PACC1: variants seen among roughly 807,000 people sequenced by gnomAD.
PACC1 encodes proton activated chloride channel 1.
Under a neutral mutation model 39.7 loss-of-function variants are expected in PACC1, and 34 were observed. The observed-to-expected ratio is 0.86, with a 90% CI of 0.65 to 1.14. PACC1 has a LOEUF of 1.14. Ranked by LOEUF, PACC1 falls within the 50% of genes most tolerant of loss-of-function variation. The probability of loss-of-function intolerance (pLI) is 0.00; values close to 1 mark genes in which losing one functional copy is unlikely to be tolerated. For missense variants in PACC1, 379 were observed against 436.4 expected (o/e 0.87, Z 1.17); for synonymous variants, 127 against 160.6 (o/e 0.79, Z 1.58).
chr1:212,406,624 G>GA (rs1376863537), intron 2 of PACC1, among the ~76,000 whole-genome samples: 1 of 152,200 alleles, frequency 6.6e-6, no homozygotes, highest in Non-Finnish European at 1.5e-5. Flanking sequence ...CCTGAGATCT[G>GA]AATCTTCTGT....
chr1:212,381,537 A>T (rs747780080), intron 4 of PACC1, among the ~76,000 whole-genome samples: 3 of 152,128 alleles, frequency 2.0e-5, no homozygotes, highest in Non-Finnish European at 4.4e-5. Flanking sequence ...CCCCTGCTGG[A>T]GCCTCATCTC....
intron 6 of PACC1, among the ~76,000 whole-genome samples, chr1:212,376,425 T>G (rs928914189): frequency 6.6e-6 from 1 of 152,206 alleles, no homozygotes; most frequent in Non-Finnish European, 1.5e-5. Flanking sequence ...AATGTACAGG[T>G]TCACTAGAGT....
intron 2 of PACC1, among the ~76,000 whole-genome samples, chr1:212,406,215 A>G (rs1661910734): frequency 2.0e-5 from 3 of 149,306 alleles, no homozygotes; most frequent in Non-Finnish European, 4.4e-5. Flanking sequence ...TTTTATTATT[A>G]TTATTAGAAG....
chr1:212,385,530 G>T, intron 3 of PACC1, 105 bp from the exon 4 acceptor site: 1 of 1,225,508 alleles, frequency 8.2e-7, no homozygotes, highest in Non-Finnish European at 1.2e-6. Flanking sequence ...ACTCCCTGGA[G>T]GACTGCAGGG....
At chr1:212,378,793 C>A (rs565102183) in intron 5 of PACC1, among the ~76,000 whole-genome samples, 1 of 152,162 alleles carries the variant, frequency 6.6e-6, no homozygotes, top group African/African-American at 2.4e-5. Flanking sequence ...GCTGGGTCCA[C>A]TCACGTGCGG....
Position 212,413,976 on chromosome 1 carries a change from G to T in PACC1, c.36+746C>A, listed in dbSNP as rs939252706. On this transcript the variant is annotated intron_variant, in intron 1 of 7. Coordinates refer to ENST00000261455, the MANE Select transcript of PACC1 (RefSeq NM_018252.3). The stretch of plus-strand genomic sequence containing the variant: ...AGGACGGTTGCCAAAGATGACCAAG[G>T]TTTGGGGGCCGAGAAGTGGAGGCGG... 1.9e-5 allele frequency: 29 copies of T among 1,535,870 alleles called. No homozygotes were observed. In the Admixed American group the frequency reaches 3.7e-4, roughly 20 times the overall value.
intron 2 of PACC1, 44 bp downstream of exon 2, chr1:212,410,381 G>T: frequency 6.3e-7 from 1 of 1,578,872 alleles, no homozygotes; most frequent in Non-Finnish European, 8.7e-7. Context: ...AGACTGGGGT[G>T]TCCAGCTGCA....
At position 212,375,053 on chromosome 1, in the gene PACC1, A is replaced by G. The variant is rs568877209; in HGVS notation, c.891+140T>C. On this transcript the variant is annotated intron_variant, in intron 7 of 7. Transcript: ENST00000261455. ...TTGTGCTATGAAAAAAGATGAGGAC[A>G]GGTAGGTAGACTTATCAGTCTACAA... 19 of 561,524 alleles carry G rather than the reference A, an allele frequency of 3.4e-5. No homozygotes were observed. In the East Asian group the frequency reaches 5.3e-4, roughly 16 times the overall value. The allele number at this position is 561,524 out of a possible 1,614,324, so 34.8% of individuals were successfully genotyped here. A position where few individuals can be genotyped will look rare whatever the true frequency, so the allele number is the denominator to read the frequency against.
At chr1:212,383,401 C>A (rs573302726) in intron 4 of PACC1, among the ~76,000 whole-genome samples, 19 of 152,120 alleles carry the variant, frequency 1.2e-4, no homozygotes, top group South Asian at 2.1e-4. Flanking sequence ...GAAGCAGCCA[C>A]GAGTTTTCAT....
At chr1:212,381,897 C>G (rs879527755) in intron 4 of PACC1, among the ~76,000 whole-genome samples, 1 of 152,246 alleles carries the variant, frequency 6.6e-6, no homozygotes, top group Non-Finnish European at 1.5e-5. Flanking sequence ...CTACGCCACA[C>G]GGCCTGCATG....
chr1:212,381,138 G>A (rs1433355734), intron 4 of PACC1, among the ~76,000 whole-genome samples: 1 of 152,182 alleles, frequency 6.6e-6, no homozygotes, highest in Non-Finnish European at 1.5e-5. Context: ...GAATTTCTGA[G>A]AGGGGTGTTT....
chr1:212,381,211 T>C (rs1209904204), intron 4 of PACC1, among the ~76,000 whole-genome samples: 13 of 152,216 alleles, frequency 8.5e-5, no homozygotes, highest in Non-Finnish European at 2.9e-5. Context: ...AATATATAAA[T>C]GTCATGCTGT....
At chr1:212,414,666 C>G in intron 1 of PACC1, 56 bp downstream of exon 1, 1 of 1,608,090 alleles carries the variant, frequency 6.2e-7, no homozygotes, top group East Asian at 2.2e-5. Flanking sequence ...CGCCCAGGCC[C>G]CCGGGACCCT....
Position 212,410,499 on chromosome 1 carries a change from A to C in PACC1, c.59T>G (p.Val20Gly). 1 of 1,614,168 alleles carries C rather than the reference A, an allele frequency of 6.2e-7. No homozygotes were observed. The highest frequency in any genetic ancestry group is 8.5e-7 in the Non-Finnish European group (1 of 1,180,004). ...YQELSEELVQ[V>G]VENSELADEQ... The stretch of plus-strand genomic sequence containing the variant: ...GTCTGCCAGCTCTGAGTTCTCAACC[A>C]CCTGGACCAACTCCTCACTCAGCTA... The change falls in exon 2 of 8, where the codon GTG (valine) becomes GGG (glycine). Residue 20 changes from valine to glycine, a missense_variant. Transcript: ENST00000261455.
chr1:212,369,497 C>G (rs1283602807), intron 7 of PACC1, among the ~76,000 whole-genome samples: 1 of 152,072 alleles, frequency 6.6e-6, no homozygotes, highest in Non-Finnish European at 1.5e-5. Flanking sequence ...AGTGAAGAGA[C>G]AGGCCAGGCG....
At chr1:212,404,694 C>G (rs1484795942) in intron 2 of PACC1, among the ~76,000 whole-genome samples, 1 of 151,390 alleles carries the variant, frequency 6.6e-6, no homozygotes, top group Non-Finnish European at 1.5e-5. Context: ...AACCAGCCAG[C>G]CTTCCTTCCT....
chr1:212,406,966 TG>T (rs1256839235), intron 2 of PACC1, among the ~76,000 whole-genome samples: 1 of 152,144 alleles, frequency 6.6e-6, no homozygotes, highest in Non-Finnish European at 1.5e-5. Flanking sequence ...CACTTCTGGT[TG>T]GGGGCAAGAG....
chr1:212,380,903 CTT>C (rs1256496128), intron 4 of PACC1, among the ~76,000 whole-genome samples: 2 of 152,164 alleles, frequency 1.3e-5, no homozygotes, highest in African/African-American at 4.8e-5. Flanking sequence ...TTCACTGGGA[CTT>C]TTAACTGTGA....
chr1:212,398,612 G>T (rs1370170663), intron 2 of PACC1, among the ~76,000 whole-genome samples: 2 of 152,184 alleles, frequency 1.3e-5, no homozygotes, highest in Non-Finnish European at 2.9e-5. Context: ...AGCCACCAAG[G>T]TCCACAGCAG....
Sources: gnomAD v4.1 joint callset for allele counts (sites outside exome capture counted in the v4.1 genomes callset) on GRCh38, gnomAD v4.1.1 for gene constraint, MANE v1.5 for transcripts, NCBI Gene and HGNC (gene_info 2026-07-23, HGNC 2026-07-21) for gene names.